Variants in MGAT5 observed in about 807,000 individuals in gnomAD.
The protein encoded by MGAT5 is alpha-1,6-mannosylglycoprotein 6-beta-N-acetylglucosaminyltransferase, also known as alpha-1,6-mannosylglycoprotein 6-beta-N-acetylglucosaminyltransferase A.
A neutral mutation model predicts 94.3 loss-of-function variants in MGAT5; 30 were observed. That is an observed-to-expected ratio of 0.32 (90% confidence interval 0.24 to 0.43). The LOEUF (loss-of-function observed/expected upper bound fraction) is 0.43, where lower values mean the gene tolerates loss of function less well. MGAT5 is among the 20% of genes least tolerant of loss of function. The pLI is 1.00. For missense variants in MGAT5, 691 were observed against 905.5 expected, an observed-to-expected ratio of 0.76 and a Z score of 3.04; for synonymous variants, 310 against 322.9, an observed-to-expected ratio of 0.96 and a Z score of 0.43.
intron 1 of MGAT5, among the ~76,000 whole-genome samples, chr2:134,176,572 TAAAA>T (rs66689362): frequency 1.2e-5 from 1 of 83,314 alleles, no homozygotes; most frequent in African/African-American, 5.4e-5. Context: ...GACTCTGTCT[TAAAA>T]AAAAAAAAAA....
intron 1 of MGAT5, among the ~76,000 whole-genome samples, chr2:134,141,820 G>A (rs2104958396): frequency 6.6e-6 from 1 of 152,380 alleles, no homozygotes; most frequent in East Asian, 1.9e-4. Flanking sequence ...GACAGAGCAG[G>A]AGCTGCTGGG....
intron 10 of MGAT5, among the ~76,000 whole-genome samples, chr2:134,384,409 T>C (rs934173619): frequency 6.6e-6 from 1 of 152,136 alleles, no homozygotes; most frequent in Non-Finnish European, 1.5e-5. Flanking sequence ...ACTGGTTCAG[T>C]TTTTCAGGGT....
chr2:134,325,711 G>C (rs1289881712), intron 4 of MGAT5, among the ~76,000 whole-genome samples: 3 of 152,010 alleles, frequency 2.0e-5, no homozygotes, highest in Non-Finnish European at 2.9e-5. Flanking sequence ...TATTTGAACT[G>C]GGTTTCCAGT....
intron 1 of MGAT5, among the ~76,000 whole-genome samples, chr2:134,266,627 G>C (rs140504161): frequency 7.9e-5 from 12 of 152,312 alleles, no homozygotes; most frequent in Non-Finnish European, 1.3e-4. Context: ...ATAATTTATT[G>C]AGCCTTATTT....
intron 11 of MGAT5, among the ~76,000 whole-genome samples, chr2:134,409,915 C>T (rs888041659): frequency 2.0e-5 from 3 of 152,162 alleles, no homozygotes; most frequent in African/African-American, 4.8e-5. Context: ...ATCCTAGATC[C>T]CACAATCCCT....
chr2:134,415,923 T>C (rs111307620), intron 12 of MGAT5, among the ~76,000 whole-genome samples: 8 of 152,330 alleles, frequency 5.3e-5, no homozygotes, highest in African/African-American at 1.9e-4. Flanking sequence ...ATCAGTTCTT[T>C]TCTGGTTTCT....
chr2:134,295,806 A>G (rs975666165), intron 2 of MGAT5, among the ~76,000 whole-genome samples: 4 of 152,146 alleles, frequency 2.6e-5, no homozygotes, highest in African/African-American at 9.7e-5. Context: ...TCTTGCCTTA[A>G]TATAACAGAT....
intron 9 of MGAT5, among the ~76,000 whole-genome samples, chr2:134,351,845 A>G (rs144483052): frequency 6.6e-6 from 1 of 152,328 alleles, no homozygotes; most frequent in African/African-American, 2.4e-5. Flanking sequence ...ATACATACAT[A>G]TAAAAATTGA....
Position 134,448,555 on chromosome 2 carries a change from C to T in MGAT5, c.2028-94C>T, listed in dbSNP as rs1437934848. The T allele has an allele frequency of 2.6e-5, 30 of 1,138,450 alleles. 1 individual carries two copies. In the Middle Eastern group the frequency reaches 7.5e-4, roughly 28 times the overall value. 70.5% of individuals were successfully genotyped at this position (1,138,450 alleles called of 1,614,324 possible). Reference sequence around the variant, plus strand: ...AGTAGGACAAGACAACTGAACATCCCCCCATGCCTCAAGATGGGGGCTCAC... The same window carrying T: ...AGTAGGACAAGACAACTGAACATCCTCCCATGCCTCAAGATGGGGGCTCAC... On this transcript the variant is annotated intron_variant, in intron 15 of 15. Transcript: ENST00000281923.
intron 14 of MGAT5, among the ~76,000 whole-genome samples, chr2:134,429,064 A>G (rs1439052015): frequency 6.6e-6 from 1 of 152,184 alleles, no homozygotes; most frequent in Non-Finnish European, 1.5e-5. Flanking sequence ...AGCAACACAG[A>G]GCTAGAAATA....
intron 2 of MGAT5, among the ~76,000 whole-genome samples, chr2:134,315,457 T>C (rs1686945037): frequency 6.6e-6 from 1 of 152,230 alleles, no homozygotes; most frequent in Non-Finnish European, 1.5e-5. Flanking sequence ...TATTCTTTGG[T>C]GAGGCATTCC....
In MGAT5 at chr2:134,160,419, G is replaced by A. The variant is rs142879503; in HGVS notation, c.-143+40128G>A. ...GACCTCCTGACCTCGTGATCCGCCTGCCTCGGCCTCCCAAAGTGCTGGGAT... is the reference window on the plus strand; with the variant it reads ...GACCTCCTGACCTCGTGATCCGCCTACCTCGGCCTCCCAAAGTGCTGGGAT... On this transcript the variant is annotated intron_variant, in intron 1 of 16. Coordinates refer to the MGAT5 transcript ENST00000409645. Among the ~76,000 whole-genome samples the A allele has an allele frequency of 1.0e-2, 1,518 of 152,346 alleles. 28 individuals are homozygous for A. The highest frequency in any genetic ancestry group is 0.035 in the African/African-American group (1,439 of 41,572).
At chr2:134,253,934 C>T (rs955576929), upstream of MGAT5, among the ~76,000 whole-genome samples, 11 of 152,198 alleles carry the variant, frequency 7.2e-5, no homozygotes, top group Admixed American at 5.2e-4. Flanking sequence ...CCACCCTCCC[C>T]GTTTTTGCTG....
intron 9 of MGAT5, among the ~76,000 whole-genome samples, chr2:134,356,993 T>C (rs1457365747): frequency 6.6e-6 from 1 of 152,206 alleles, no homozygotes; most frequent in Non-Finnish European, 1.5e-5. Flanking sequence ...GTTTCACTTA[T>C]TTTTATTTTC....
At chr2:134,313,388 G>A (rs1686813600) in intron 2 of MGAT5, among the ~76,000 whole-genome samples, 1 of 152,090 alleles carries the variant, frequency 6.6e-6, no homozygotes, top group African/African-American at 2.4e-5. Flanking sequence ...ACATCGTATG[G>A]GCACAAGTGA....
intron 10 of MGAT5, among the ~76,000 whole-genome samples, chr2:134,395,590 C>A (rs1375833278): frequency 2.6e-5 from 4 of 152,124 alleles, no homozygotes; most frequent in African/African-American, 9.7e-5. Context: ...GCATTTTATT[C>A]CCAGTGCTGG....
At chr2:134,135,647 G>A (rs528854816) in intron 1 of MGAT5, among the ~76,000 whole-genome samples, 21 of 139,384 alleles carry the variant, frequency 1.5e-4, no homozygotes, top group East Asian at 4.4e-4. Context: ...AGCCGAGATC[G>A]CGCCACTGCA....
intron 1 of MGAT5, among the ~76,000 whole-genome samples, chr2:134,260,358 G>A (rs1683245289): frequency 6.6e-6 from 1 of 152,214 alleles, no homozygotes; most frequent in Non-Finnish European, 1.5e-5. Flanking sequence ...TGGGGGCAGT[G>A]GAGAGGTAAC....
At chr2:134,402,359 A>G (rs1683104620) in intron 10 of MGAT5, among the ~76,000 whole-genome samples, 1 of 152,226 alleles carries the variant, frequency 6.6e-6, no homozygotes, top group Non-Finnish European at 1.5e-5. Context: ...ATCAAAATTT[A>G]CATTTATTCT....
Sources: allele counts gnomAD v4.1 joint callset (sites outside exome capture counted in the v4.1 genomes callset), GRCh38; gene constraint gnomAD v4.1.1; transcripts MANE v1.5; gene names NCBI Gene and HGNC (gene_info 2026-07-23, HGNC 2026-07-21).